Variants in GNB4 observed in about 807,000 individuals in gnomAD.
GNB4 encodes G protein subunit beta 4, also known as guanine nucleotide-binding protein subunit beta-4.
In GNB4, 28 loss-of-function variants were observed where a neutral mutation model predicts 45.2. The observed-to-expected ratio is 0.62, with a 90% CI of 0.46 to 0.85. The LOEUF (loss-of-function observed/expected upper bound fraction) is 0.85. GNB4 is among the 40% of genes least tolerant of loss of function. The probability of loss-of-function intolerance (pLI) is 0.00; values close to 1 mark genes in which losing one functional copy is unlikely to be tolerated. For synonymous variants in GNB4, 132 were observed against 143.7 expected (o/e 0.92, Z 0.58); for missense variants, 321 against 425.4 (o/e 0.75, Z 2.16).
chr3:179,526,298 G>A, the GNB4 span, among the ~76,000 whole-genome samples: 1 of 152,160 alleles, frequency 6.6e-6, no homozygotes, highest in Admixed American at 6.5e-5. Context: ...GGATATATAT[G>A]TGCAGGTCAC....
the GNB4 span, among the ~76,000 whole-genome samples, chr3:179,484,312 C>T: frequency 6.6e-6 from 1 of 152,190 alleles, no homozygotes; most frequent in Non-Finnish European, 1.5e-5. Context: ...TTCTGTTCCT[C>T]CAGATAAAAA....
chr3:179,445,100 T>C (rs1026091572), intron 1 of GNB4, among the ~76,000 whole-genome samples: 3 of 152,158 alleles, frequency 2.0e-5, no homozygotes, highest in East Asian at 1.9e-4. Context: ...ATAGAGGCCA[T>C]TGTCCTCATC....
chr3:179,417,900 T>C (rs1235519961), intron 4 of GNB4, among the ~76,000 whole-genome samples: 1 of 152,128 alleles, frequency 6.6e-6, no homozygotes, highest in East Asian at 1.9e-4. Flanking sequence ...TAGGATGGCA[T>C]CTAAAGAAAA....
At chr3:179,427,877 TATC>T (rs1220530920) in intron 1 of GNB4, among the ~76,000 whole-genome samples, 1 of 152,182 alleles carries the variant, frequency 6.6e-6, no homozygotes, top group Non-Finnish European at 1.5e-5. Flanking sequence ...TTTCTCTTCT[TATC>T]TTCCTTGGTT....
chr3:179,401,494 C>T (rs1209808072), intron 9 of GNB4, among the ~76,000 whole-genome samples, 175 bp from the exon 10 acceptor site: 1 of 152,134 alleles, frequency 6.6e-6, no homozygotes, highest in Non-Finnish European at 1.5e-5. Flanking sequence ...AGTAAGAAGA[C>T]AAGTTAGGAG....
At chr3:179,514,425 C>A in the GNB4 span, among the ~76,000 whole-genome samples, 2 of 152,262 alleles carry the variant, frequency 1.3e-5, no homozygotes, top group Non-Finnish European at 2.9e-5. Flanking sequence ...TTAGGTTGCA[C>A]CTTCTCTGAG....
chr3:179,432,434 T>C (rs1168337364), intron 1 of GNB4, among the ~76,000 whole-genome samples: 1 of 152,204 alleles, frequency 6.6e-6, no homozygotes, highest in East Asian at 1.9e-4. Context: ...AGCCAACAAC[T>C]GTTGGATTCC....
In GNB4 at chr3:179,413,730, G is replaced by C. The variant is rs1477937418; in HGVS notation, c.482C>G (p.Ser161Ter). Reference protein sequence around the residue: ...FLDDSQIVTSSGDTTCALWDI... With the variant: ...FLDDSQIVTS ...ATAAACTTACCAAGTTGTATCTCCTGAACTTGTAACAATTTGGCTGTCATC... is the reference window on the plus strand; with the variant it reads ...ATAAACTTACCAAGTTGTATCTCCTCAACTTGTAACAATTTGGCTGTCATC... Residue 161 changes from serine to a stop codon, truncating the protein, a stop_gained, in exon 7 of 10, where the codon TCA (serine) becomes TGA (stop). Coordinates refer to ENST00000232564, the MANE Select transcript of GNB4 (RefSeq NM_021629.4). LOFTEE classifies it high-confidence loss of function. 1 of 1,611,568 alleles carries C rather than the reference G, an allele frequency of 6.2e-7. No homozygotes were observed.
chr3:179,405,085 C>A, intron 9 of GNB4, 105 bp downstream of exon 9: 1 of 734,864 alleles, frequency 1.4e-6, no homozygotes, highest in South Asian at 2.0e-5. Flanking sequence ...ATCGGGTTAC[C>A]ACTTTCCACA....
chr3:179,431,369 C>A (rs942210556), intron 1 of GNB4, among the ~76,000 whole-genome samples: 1 of 151,956 alleles, frequency 6.6e-6, no homozygotes, highest in African/African-American at 2.4e-5. Flanking sequence ...CCAGCCTGAC[C>A]AATATGGCGA....
the GNB4 span, among the ~76,000 whole-genome samples, chr3:179,491,720 G>A: frequency 1.3e-5 from 2 of 152,322 alleles, no homozygotes; most frequent in East Asian, 1.9e-4. Flanking sequence ...GAAGGGACAG[G>A]AAGGGGCAAA....
At chr3:179,464,245 G>C in the GNB4 span, 1 of 446,392 alleles carries the variant, frequency 2.2e-6, no homozygotes, top group Admixed American at 3.4e-5. Flanking sequence ...GATCACTTGA[G>C]GCCAGGGAAT....
At chr3:179,489,415 G>A in the GNB4 span, among the ~76,000 whole-genome samples, 18 of 151,868 alleles carry the variant, frequency 1.2e-4, no homozygotes, top group Admixed American at 6.6e-4. Context: ...GAGGAGGATT[G>A]TTTGAAGCCA....
chr3:179,464,708 T>A, the GNB4 span: 10 of 1,052,898 alleles, frequency 9.5e-6, no homozygotes, highest in South Asian at 5.0e-5. Flanking sequence ...GCAAACTGAA[T>A]AATTATGATA....
chr3:179,415,272 G>C (rs931807107), intron 5 of GNB4, among the ~76,000 whole-genome samples: 3 of 152,034 alleles, frequency 2.0e-5, no homozygotes, highest in African/African-American at 7.2e-5. Context: ...GTCAAAAAGT[G>C]CTCTTTTTGG....
chr3:179,443,768 T>C (rs1345735049), intron 1 of GNB4, among the ~76,000 whole-genome samples: 1 of 152,214 alleles, frequency 6.6e-6, no homozygotes, highest in Non-Finnish European at 1.5e-5. Context: ...AAAAATACTA[T>C]ACAATTACTG....
chr3:179,411,123 A>G (rs1714638688), intron 8 of GNB4, among the ~76,000 whole-genome samples: 1 of 152,186 alleles, frequency 6.6e-6, no homozygotes, highest in Admixed American at 6.5e-5. Flanking sequence ...ACAGTTTACA[A>G]TTATTAAGTG....
chr3:179,498,784 T>C, the GNB4 span, among the ~76,000 whole-genome samples: 3 of 148,184 alleles, frequency 2.0e-5, no homozygotes, highest in Non-Finnish European at 3.0e-5. Context: ...TTCTTTATTA[T>C]ATTTTAAGTT....
chr3:179,437,549 A>C (rs1715488320), intron 1 of GNB4, among the ~76,000 whole-genome samples: 1 of 149,362 alleles, frequency 6.7e-6, no homozygotes, highest in African/African-American at 2.4e-5. Flanking sequence ...CTGGCAAAAG[A>C]GCAAGTCTAT....
Sources: gnomAD v4.1 joint callset for allele counts (sites outside exome capture counted in the v4.1 genomes callset) on GRCh38, gnomAD v4.1.1 for gene constraint, MANE v1.5 for transcripts, NCBI Gene and HGNC (gene_info 2026-07-23, HGNC 2026-07-21) for gene names.